GAS2: variants seen among roughly 807,000 people sequenced by gnomAD.
GAS2 encodes the protein growth arrest specific 2.
Under a neutral mutation model 37.5 loss-of-function variants are expected in GAS2, and 20 were observed. That is an observed-to-expected ratio of 0.53 (90% CI 0.37 to 0.77). The LOEUF (loss-of-function observed/expected upper bound fraction) is 0.77, where lower values mean the gene tolerates loss of function less well. GAS2 is among the 30% of genes least tolerant of loss of function. The pLI is 0.00. For synonymous variants in GAS2, 144 were observed against 132.2 expected, an observed-to-expected ratio of 1.09 and a Z score of -0.61; for missense variants, 336 against 373.4, an observed-to-expected ratio of 0.90 and a Z score of 0.82.
chr11:22,713,983 AT>A (rs1297520923), intron 3 of GAS2, among the ~76,000 whole-genome samples: 19 of 152,290 alleles, frequency 1.2e-4, no homozygotes, highest in African/African-American at 2.9e-4. Flanking sequence ...AAAACAGGGT[AT>A]TCAGGTAACA....
chr11:22,654,413 C>A (rs1254232847), intron 1 of GAS2, among the ~76,000 whole-genome samples: 1 of 143,470 alleles, frequency 7.0e-6, no homozygotes, highest in East Asian at 2.1e-4. Flanking sequence ...TTTTCTTTTT[C>A]TTTTTTTTGT....
intron 5 of GAS2, among the ~76,000 whole-genome samples, chr11:22,738,042 A>G (rs1345877596): frequency 6.6e-6 from 1 of 152,168 alleles, no homozygotes; most frequent in Non-Finnish European, 1.5e-5. Context: ...TGGGGAGGGG[A>G]GGACATTGTA....
chr11:22,730,170 A>G (rs2134185072), intron 4 of GAS2, among the ~76,000 whole-genome samples: 1 of 152,010 alleles, frequency 6.6e-6, no homozygotes, highest in Non-Finnish European at 1.5e-5. Context: ...TATATTTAAC[A>G]ATAAAATTTC....
At chr11:22,804,397 C>A (rs953566929) in intron 7 of GAS2, among the ~76,000 whole-genome samples, 7 of 152,000 alleles carry the variant, frequency 4.6e-5, no homozygotes, top group Non-Finnish European at 1.5e-5. Context: ...CATTAGATAC[C>A]TTGCTTGACA....
chr11:22,737,635 G>T, intron 4 of GAS2, 70 bp from the exon 5 acceptor site: 1 of 1,428,090 alleles, frequency 7.0e-7, no homozygotes, highest in Non-Finnish European at 9.9e-7. Context: ...GAGGGTCATT[G>T]GCAAGCCTGT....
At chr11:22,777,202 A>C (rs1855303269) in intron 7 of GAS2, among the ~76,000 whole-genome samples, 1 of 152,198 alleles carries the variant, frequency 6.6e-6, no homozygotes, top group African/African-American at 2.4e-5. Context: ...ACAACAAATT[A>C]AAGAGTACAA....
At chr11:22,635,679 T>C (rs1858812061) in intron 1 of GAS2, among the ~76,000 whole-genome samples, 1 of 152,184 alleles carries the variant, frequency 6.6e-6, no homozygotes, top group Non-Finnish European at 1.5e-5. Flanking sequence ...TGTTCAAGAT[T>C]ATATTGTGAA....
At chr11:22,763,625 ACACAC>A (rs1564877320) in intron 7 of GAS2, among the ~76,000 whole-genome samples, 18 of 22,012 alleles carry the variant, frequency 8.2e-4, no homozygotes, top group Non-Finnish European at 1.4e-3. Flanking sequence ...ATACACACAC[ACACAC>A]ACACACACAC....
At chr11:22,669,227 T>A (rs1467600153) in intron 1 of GAS2, among the ~76,000 whole-genome samples, 4 of 152,142 alleles carry the variant, frequency 2.6e-5, no homozygotes, top group Non-Finnish European at 4.4e-5. Context: ...TTGATGTAAA[T>A]CCTTAAATAT....
chr11:22,699,523 C>T (rs1462621237), intron 3 of GAS2, among the ~76,000 whole-genome samples: 1 of 152,044 alleles, frequency 6.6e-6, no homozygotes, highest in Non-Finnish European at 1.5e-5. Flanking sequence ...AGACTATTTG[C>T]AAGGATTATG....
chr11:22,711,401 A>G (rs925180184), intron 3 of GAS2, among the ~76,000 whole-genome samples: 1 of 152,162 alleles, frequency 6.6e-6, no homozygotes, highest in Non-Finnish European at 1.5e-5. Context: ...AGCTGGTGGA[A>G]TTTGGGAGGT....
intron 7 of GAS2, among the ~76,000 whole-genome samples, chr11:22,773,996 A>T (rs972971627): frequency 7.9e-5 from 12 of 151,864 alleles, no homozygotes; most frequent in African/African-American, 2.9e-4. Flanking sequence ...TTTATGTGCA[A>T]TTTTATTTTA....
chr11:22,658,206 T>G lies in GAS2; in HGVS notation c.-20-16644T>G, dbSNP rs140225411. On this transcript the variant is annotated intron_variant, in intron 1 of 5. Transcript: ENST00000528582. ...ATGCTCAGCTAATTTTTAAAATATT[T>G]TTAGTAGAGGTGGTGTTTCACCATG... Among the ~76,000 whole-genome samples the G allele has an allele frequency of 1.4e-4, 21 of 152,078 alleles. 1 individual carries two copies. In the East Asian group the frequency reaches 4.1e-3, roughly 29 times the overall value.
chr11:22,784,732 A>C (rs1455423978), intron 7 of GAS2, among the ~76,000 whole-genome samples: 1 of 152,120 alleles, frequency 6.6e-6, no homozygotes, highest in Non-Finnish European at 1.5e-5. Context: ...AGTCCTACAA[A>C]TATGTTCTCA....
intron 6 of GAS2, among the ~76,000 whole-genome samples, chr11:22,753,831 A>G (rs1853872735): frequency 6.6e-6 from 1 of 152,274 alleles, no homozygotes; most frequent in African/African-American, 2.4e-5. Context: ...ATATAGAAAG[A>G]GATACACATA....
At chr11:22,675,036 T>C (rs767105942) in intron 2 of GAS2, 22 bp downstream of exon 2, 1 of 1,609,402 alleles carries the variant, frequency 6.2e-7, no homozygotes, top group East Asian at 2.2e-5. Context: ...AGATCTCATT[T>C]TGTGAGCAAA....
In GAS2 at chr11:22,798,593, A is replaced by C. The variant is rs547241588; in HGVS notation, c.724-13205A>C. 2.6e-5 allele frequency among the ~76,000 whole-genome samples: 4 copies of C among 152,236 alleles called. No individual in the cohort carries two copies. The South Asian group carries it at 8.3e-4, about 32-fold the overall frequency. On this transcript the variant is annotated intron_variant, in intron 7 of 7. Coordinates refer to ENST00000454584, the MANE Select transcript of GAS2 (RefSeq NM_001143830.3). ...TAAATAAGATAATAAATAAGAAAAAAATGCTTGTAAAGAGTAAAACGGTAA... is the reference window on the plus strand; with the variant it reads ...TAAATAAGATAATAAATAAGAAAAACATGCTTGTAAAGAGTAAAACGGTAA...
intron 3 of GAS2, among the ~76,000 whole-genome samples, chr11:22,720,409 T>C (rs1851891586): frequency 6.6e-6 from 1 of 152,036 alleles, no homozygotes; most frequent in African/African-American, 2.4e-5. Context: ...TTTTTTTCCC[T>C]TTTTAAACAT....
At chr11:22,654,809 C>A (rs1848837196) in intron 1 of GAS2, among the ~76,000 whole-genome samples, 1 of 151,958 alleles carries the variant, frequency 6.6e-6, no homozygotes, top group African/African-American at 2.4e-5. Context: ...TATTCCTTGC[C>A]CAGGTAGTAT....
Sources: allele counts gnomAD v4.1 joint callset (sites outside exome capture counted in the v4.1 genomes callset), GRCh38; gene constraint gnomAD v4.1.1; transcripts MANE v1.5; gene names NCBI Gene and HGNC (gene_info 2026-07-23, HGNC 2026-07-21).